The following QRICH1 variants were observed in gnomAD, a reference collection of about 807,000 sequenced individuals.
QRICH1 encodes glutamine rich 1.
Under a neutral mutation model 87.1 loss-of-function variants are expected in QRICH1, and 16 were observed. The observed-to-expected ratio is 0.18, with a 90% CI of 0.12 to 0.28. The LOEUF is 0.28. Ranked by LOEUF, QRICH1 falls within the 10% of genes least tolerant of loss-of-function variation. QRICH1 has a pLI of 1.00. For synonymous variants in QRICH1, 367 were observed against 368.4 expected, an observed-to-expected ratio of 1.00 and a Z score of 0.05; for missense variants, 647 against 951.7, an observed-to-expected ratio of 0.68 and a Z score of 4.21.
intron 6 of QRICH1, among the ~76,000 whole-genome samples, chr3:49,042,990 C>T (rs1011957047): frequency 2.0e-5 from 3 of 152,000 alleles, no homozygotes; most frequent in Non-Finnish European, 2.9e-5. Context: ...TAAACCAGAA[C>T]GTACAACACA....
In QRICH1 at chr3:49,057,675, T is replaced by A; in HGVS notation, c.525A>T (p.Gln175His). 8 of 1,614,162 alleles carry A rather than the reference T, an allele frequency of 5.0e-6. No individual in the cohort carries two copies. Among genetic ancestry groups the A allele is most frequent in the Non-Finnish European group, 6.8e-6 (8 of 1,180,032 alleles). The change falls in exon 3 of 10, where the codon CAA (glutamine) becomes CAT (histidine). Residue 175 changes from glutamine (Q) to histidine (H), a missense_variant. Physicochemically the swap from Gln to His is conservative, Grantham distance 24. This residue lies in a region of QRICH1 where 156 missense variants were observed against 164.5 expected (regional missense o/e 0.95). Transcript: ENST00000395443. The surrounding 1 kb of genome is among the most constrained non-coding windows in gnomAD (Gnocchi z 5.4). ...QAAQIQVQHVQAAQQIQAAEI... is the reference protein window; with the variant it reads ...QAAQIQVQHVHAAQQIQAAEI... ...CTGCAGCCTGGATCTGCTGGGCTGC[T>A]TGCACGTGCTGCACCTGGATCTGAG...
At position 49,057,777 on chromosome 3, in the gene QRICH1, G is replaced by A. The variant is rs753869374; in HGVS notation, c.423C>T (p.Gly141=). The change falls in exon 3 of 10, where the codon GGC becomes GGT. Residue 141 remains glycine (G), a synonymous_variant. Coordinates refer to ENST00000395443, the MANE Select transcript of QRICH1 (RefSeq NM_198880.3). The surrounding 1 kb of genome is among the most constrained non-coding windows in gnomAD (Gnocchi z 5.4). ...QPIQVQVQIQ[G]QAPQSAAPSI... is the part of the protein sequence containing the mutation. ...AGGGGGCTGCTGACTGTGGTGCCTG[G>A]CCTTGGATCTGCACCTGGACCTGGA... 1 of 1,614,166 alleles carries A rather than the reference G, an allele frequency of 6.2e-7. No homozygotes were observed. The highest frequency in any genetic ancestry group is 8.5e-7 in the Non-Finnish European group (1 of 1,180,026).
chr3:49,051,000 C>T (rs1008165697), intron 3 of QRICH1, among the ~76,000 whole-genome samples: 1 of 152,180 alleles, frequency 6.6e-6, no homozygotes, highest in African/African-American at 2.4e-5. Flanking sequence ...CACCAATTAC[C>T]GTCTTGCTCA....
chr3:49,037,678 GC>G (rs2093283834), intron 6 of QRICH1, among the ~76,000 whole-genome samples: 1 of 151,802 alleles, frequency 6.6e-6, no homozygotes. Flanking sequence ...GTTACAGTGA[GC>G]CGAGATTGCA....
rs866385348 is a variant in QRICH1 at position 49,057,914 on chromosome 3, T to C, written c.310-24A>G. 1.8e-5 allele frequency: 29 copies of C among 1,613,550 alleles called. No homozygotes were observed. The highest frequency in any genetic ancestry group is 2.7e-5 in the African/African-American group (2 of 74,730). Reference sequence around the variant, plus strand: ...ACCTGTAAGCAACAAGATTCATCAGTGAGTGAACCAGGCAGCACTGAAAAT... The same window carrying C: ...ACCTGTAAGCAACAAGATTCATCAGCGAGTGAACCAGGCAGCACTGAAAAT... On this transcript the variant is annotated intron_variant, in intron 2 of 9. Coordinates refer to ENST00000395443, the MANE Select transcript of QRICH1 (RefSeq NM_198880.3). The surrounding 1 kb of genome is among the most constrained non-coding windows in gnomAD (Gnocchi z 5.4).
intron 1 of QRICH1, among the ~76,000 whole-genome samples, chr3:49,082,746 T>C (rs1195039536): frequency 6.6e-6 from 1 of 150,720 alleles, no homozygotes; most frequent in East Asian, 2.0e-4. Flanking sequence ...ATACAAAAAA[T>C]TACCCTGGCG....
rs773290512 is a variant in QRICH1 at position 49,057,958 on chromosome 3, A to G, written c.310-68T>C. ...TGAAAATCCAGTACCCAAGGAAAGA[A>G]AGAAAAGAGATCCCAGACAGGGGAC... On this transcript the variant is annotated intron_variant, in intron 2 of 9. Coordinates refer to ENST00000395443, the MANE Select transcript of QRICH1 (RefSeq NM_198880.3). This position sits in a 1 kb window ranked among gnomAD's most constrained non-coding sequence, Gnocchi z 5.4. 36 of 1,611,696 alleles carry G rather than the reference A, an allele frequency of 2.2e-5. No individual in the cohort carries two copies. Among genetic ancestry groups the G allele is most frequent in the Non-Finnish European group, 3.0e-5 (35 of 1,179,696 alleles).
chr3:49,055,484 G>A lies in QRICH1; in HGVS notation c.1338+1378C>T, dbSNP rs550124515. On this transcript the variant is annotated intron_variant, in intron 3 of 9. Transcript: ENST00000395443. ...AACCTCCCAGGCTCATGCAACCCTC[G>A]CATCTACGCTGGGACCACAGGTATG... Among the ~76,000 whole-genome samples the A allele has an allele frequency of 9.9e-5, 15 of 152,176 alleles. No individual in the cohort carries two copies. In the South Asian group the frequency reaches 2.9e-3, roughly 29 times the overall value.
chr3:49,039,335 C>T (rs1019014026), intron 6 of QRICH1, among the ~76,000 whole-genome samples: 5 of 151,868 alleles, frequency 3.3e-5, no homozygotes, highest in Admixed American at 1.3e-4. Context: ...CCAGCCTGGG[C>T]GACAGAGTGA....
At chr3:49,048,382 C>A (rs181817535) in intron 3 of QRICH1, among the ~76,000 whole-genome samples, 4 of 151,726 alleles carry the variant, frequency 2.6e-5, no homozygotes, top group Non-Finnish European at 5.9e-5. Context: ...CCGCCCTCCT[C>A]AGCCTCCCAA....
chr3:49,038,652 C>T (rs537957237), intron 6 of QRICH1, among the ~76,000 whole-genome samples: 9 of 152,254 alleles, frequency 5.9e-5, no homozygotes, highest in South Asian at 4.1e-4. Context: ...CTCCTGACCT[C>T]GTGGTCGGCC....
At chr3:49,067,278 A>T (rs1318127989) in intron 2 of QRICH1, among the ~76,000 whole-genome samples, 1 of 152,092 alleles carries the variant, frequency 6.6e-6, no homozygotes, top group Non-Finnish European at 1.5e-5. Context: ...GTTAAGAGTA[A>T]ATTTAACGGC....
chr3:49,032,592 GT>G (rs2093248392), intron 8 of QRICH1, 29 bp downstream of exon 8: 1 of 1,543,288 alleles, frequency 6.5e-7, no homozygotes, highest in African/African-American at 1.4e-5. Context: ...AGTAGCACCT[GT>G]TTTTGCCATC....
At position 49,046,538 on chromosome 3, in the gene QRICH1, C is replaced by G; in HGVS notation, c.1558G>C (p.Ala520Pro). The G allele has an allele frequency of 6.2e-7, 1 of 1,613,806 alleles. No individual in the cohort carries two copies. The highest frequency in any genetic ancestry group is 8.5e-7 in the Non-Finnish European group (1 of 1,179,942). ...AGCCCATAATTCAACTCTGCCACAG[C>G]AGAGGAGATGAGATCTTCCTGGAAT... ...LRFQEDLISSAVAELNYGLCL... is the reference protein window; with the variant it reads ...LRFQEDLISSPVAELNYGLCL... Residue 520 changes from alanine (A) to proline (P), a missense_variant, in exon 5 of 10, where the codon GCT becomes CCT. By Grantham distance (27) the Ala-to-Pro change is conservative. Coordinates refer to ENST00000395443, the MANE Select transcript of QRICH1 (RefSeq NM_198880.3).
chr3:49,035,232 G>A (rs993256581), intron 6 of QRICH1, among the ~76,000 whole-genome samples: 3 of 152,040 alleles, frequency 2.0e-5, no homozygotes, highest in Admixed American at 6.6e-5. Context: ...CATCACACTC[G>A]ATTATTTTTT....
chr3:49,050,101 C>T (rs984386206), intron 3 of QRICH1, among the ~76,000 whole-genome samples: 1 of 151,400 alleles, frequency 6.6e-6, no homozygotes, highest in Non-Finnish European at 1.5e-5. Flanking sequence ...CTTTGGGAGG[C>T]CGAGGCGGGC....
In QRICH1 at chr3:49,057,842, A is replaced by T. The variant is rs1382715155; in HGVS notation, c.358T>A (p.Ser120Thr). 8.1e-6 allele frequency: 13 copies of T among 1,614,076 alleles called. No homozygotes were observed. Among genetic ancestry groups the T allele is most frequent in the Non-Finnish European group, 1.1e-5 (13 of 1,180,020 alleles). ...GGCTGGTGAACGGTGAGTTGTGGGGAGAGCTGAGCCGAGACCTGTTGCGGA... is the reference window on the plus strand; with the variant it reads ...GGCTGGTGAACGGTGAGTTGTGGGGTGAGCTGAGCCGAGACCTGTTGCGGA... Reference protein sequence around the residue: ...QSPQQVSAQLSPQLTVHQPTE... With the variant: ...QSPQQVSAQLTPQLTVHQPTE... Residue 120 changes from serine (S) to threonine (T), a missense_variant, in exon 3 of 10, where the codon TCC (serine) becomes ACC (threonine). Transcript: ENST00000395443. The surrounding 1 kb of genome is among the most constrained non-coding windows in gnomAD (Gnocchi z 5.4).
At chr3:49,058,486 C>T (rs954067690) in intron 2 of QRICH1, among the ~76,000 whole-genome samples, 30 of 152,082 alleles carry the variant, frequency 2.0e-4, no homozygotes, top group African/African-American at 7.2e-4. Context: ...CCACCATACC[C>T]AGCTAATTTT....
At chr3:49,075,005 T>C (rs1468801276) in intron 2 of QRICH1, among the ~76,000 whole-genome samples, 3 of 151,744 alleles carry the variant, frequency 2.0e-5, no homozygotes, top group Non-Finnish European at 2.9e-5. Context: ...ATATCTGTGG[T>C]GTTTTTAGTT....
Sources: gnomAD v4.1 joint callset for allele counts (sites outside exome capture counted in the v4.1 genomes callset) on GRCh38, gnomAD v4.1.1 for gene constraint, gnomAD v4.1.1 regional missense constraint, Gnocchi (gnomAD v3.1) non-coding constraint, MANE v1.5 for transcripts, NCBI Gene and HGNC (gene_info 2026-07-23, HGNC 2026-07-21) for gene names.